Variants in NRP2 observed in about 807,000 individuals in gnomAD.
NRP2 encodes the protein neuropilin 2, also known as neuropilin-2.
A neutral mutation model predicts 110.4 loss-of-function variants in NRP2; 52 were observed. The ratio of observed to expected loss-of-function variants is 0.47; its 90% confidence interval spans 0.38 to 0.59. The LOEUF (loss-of-function observed/expected upper bound fraction) is 0.59, where lower values mean the gene tolerates loss of function less well. Among genes scored for constraint, NRP2 ranks in the 20% least tolerant of loss-of-function variants. NRP2 has a pLI of 0.00. For missense variants in NRP2, 1,049 were observed against 1,203.0 expected (o/e 0.87, Z 1.89); for synonymous variants, 508 against 468.9 (o/e 1.08, Z -1.08).
chr2:205,685,523 TGC>T (rs1317145205), intron 1 of NRP2, among the ~76,000 whole-genome samples: 1 of 152,188 alleles, frequency 6.6e-6, no homozygotes, highest in African/African-American at 2.4e-5. Context: ...GGGCAGAAGG[TGC>T]GCGCGGGGGA....
chr2:205,745,313 A>G (rs903961522), intron 9 of NRP2, among the ~76,000 whole-genome samples: 6 of 152,170 alleles, frequency 3.9e-5, no homozygotes, highest in African/African-American at 1.4e-4. Flanking sequence ...GGTTACCTCA[A>G]TGGAGGCTTT....
chr2:205,745,274 C>T (rs1370620703), intron 9 of NRP2, among the ~76,000 whole-genome samples: 1 of 152,200 alleles, frequency 6.6e-6, no homozygotes, highest in Non-Finnish European at 1.5e-5. Context: ...GTAAGGTTCT[C>T]AGTGAGCTAG....
chr2:205,736,163 G>A (rs778441791), intron 7 of NRP2, among the ~76,000 whole-genome samples: 1 of 152,032 alleles, frequency 6.6e-6, no homozygotes, highest in Non-Finnish European at 1.5e-5. Context: ...CCAACGTGGT[G>A]AAACCCTGTC....
At chr2:205,767,132 G>T in intron 15 of NRP2, 1 of 429,756 alleles carries the variant, frequency 2.3e-6, no homozygotes, top group African/African-American at 2.0e-5. Flanking sequence ...GAGAGACTGT[G>T]GGAAGACTGA....
At chr2:205,779,572 T>C (rs1344335360) in intron 15 of NRP2, 1 of 152,226 alleles carries the variant, frequency 6.6e-6, no homozygotes, top group Non-Finnish European at 1.5e-5. Flanking sequence ...GATTTTTACT[T>C]CCTATTCTTA....
chr2:205,754,906 T>A (rs1314281312), intron 12 of NRP2, among the ~76,000 whole-genome samples: 2 of 152,140 alleles, frequency 1.3e-5, no homozygotes, highest in African/African-American at 4.8e-5. Context: ...GGCTGGCTCT[T>A]ATTCAGTGTC....
At chr2:205,684,828 C>A (rs2056106407) in intron 1 of NRP2, among the ~76,000 whole-genome samples, 1 of 152,230 alleles carries the variant, frequency 6.6e-6, no homozygotes, top group African/African-American at 2.4e-5. Flanking sequence ...GACCTGGATG[C>A]TGCGTAAATT....
At chr2:205,777,220 C>T (rs569167054) in intron 15 of NRP2, 3 of 885,912 alleles carry the variant, frequency 3.4e-6, no homozygotes, top group East Asian at 1.2e-4. Context: ...ATAGAGGCCA[C>T]ATGGGATGCA....
intron 1 of NRP2, 75 bp downstream of exon 1, chr2:205,683,438 C>G: frequency 9.5e-7 from 1 of 1,047,344 alleles, no homozygotes; most frequent in Admixed American, 1.8e-5. Flanking sequence ...GCAGGAAGGC[C>G]ACGCAGAACG....
In NRP2 at chr2:205,765,483, G is replaced by A. The variant is rs762216772; in HGVS notation, c.2317G>A (p.Glu773Lys). ...SYDMEYQIVF[E>K]GVIGKGRSGE... The stretch of plus-strand genomic sequence containing the variant: ...TTCTTCCGGCTTCTAGATTGTGTTC[G>A]AGGGAGTGATAGGGAAAGGACGTTC... The change falls in exon 14 of 17, where the codon GAG becomes AAG. Residue 773 changes from glutamate (E) to lysine (K), a missense_variant. Physicochemically the swap from Glu to Lys is moderately conservative, Grantham distance 56. Coordinates refer to ENST00000357785, the MANE Select transcript of NRP2 (RefSeq NM_003872.3). 4.8e-5 allele frequency: 77 copies of A among 1,614,072 alleles called. No homozygotes were observed. The highest frequency in any genetic ancestry group is 6.0e-5 in the Non-Finnish European group (71 of 1,179,948).
intron 8 of NRP2, among the ~76,000 whole-genome samples, chr2:205,742,162 C>A (rs1038435291): frequency 9.2e-5 from 14 of 152,160 alleles, no homozygotes; most frequent in Non-Finnish European, 5.9e-5. Context: ...AGGGGAACAA[C>A]GTGGAGGATC....
At position 205,725,852 on chromosome 2, in the gene NRP2, G is replaced by T; in HGVS notation, c.821-61G>T. 1 of 1,577,260 alleles carries T rather than the reference G, an allele frequency of 6.3e-7. No homozygotes were observed. Among genetic ancestry groups the T allele is most frequent in the Non-Finnish European group, 8.7e-7 (1 of 1,148,280 alleles). On this transcript the variant is annotated intron_variant, in intron 5 of 16. Transcript: ENST00000357785. The surrounding 1 kb of genome is among the most constrained non-coding windows in gnomAD (Gnocchi z 4.1). ...TGTCCCTAGAAGGGAGGCAGCATTT[G>T]GGGGATCCCGAGGTATGAGGTTGGA...
At chr2:205,697,221 G>A (rs1165489581) in intron 1 of NRP2, among the ~76,000 whole-genome samples, 1 of 152,008 alleles carries the variant, frequency 6.6e-6, no homozygotes, top group Non-Finnish European at 1.5e-5. Context: ...GGAAAGGCAG[G>A]GAGGCATGTT....
intron 15 of NRP2, among the ~76,000 whole-genome samples, chr2:205,784,589 C>T (rs1329544388): frequency 6.6e-6 from 1 of 152,170 alleles, no homozygotes; most frequent in Non-Finnish European, 1.5e-5. Context: ...TTAGTGTTTA[C>T]AGGGGTCCTG....
chr2:205,697,045 G>A (rs561087295), intron 1 of NRP2, among the ~76,000 whole-genome samples: 51 of 152,202 alleles, frequency 3.4e-4, no homozygotes, highest in African/African-American at 9.2e-4. Context: ...TACCAGGCTC[G>A]CTTGTGGGTC....
At chr2:205,699,856 G>C (rs1168766645) in intron 2 of NRP2, among the ~76,000 whole-genome samples, 1 of 152,048 alleles carries the variant, frequency 6.6e-6, no homozygotes, top group Non-Finnish European at 1.5e-5. Flanking sequence ...AATCTTTCTG[G>C]GGTCTGTTTC....
chr2:205,765,109 AT>A (rs1477406783), intron 13 of NRP2, among the ~76,000 whole-genome samples: 1 of 152,166 alleles, frequency 6.6e-6, no homozygotes, highest in Non-Finnish European at 1.5e-5. Context: ...TGGATTGGGC[AT>A]TTGAAAGATT....
At chr2:205,730,300 AGTGAACC>A (rs2057211737) in intron 7 of NRP2, among the ~76,000 whole-genome samples, 1 of 143,060 alleles carries the variant, frequency 7.0e-6, no homozygotes, top group South Asian at 2.3e-4. Flanking sequence ...GAAGTAGTTG[AGTGAACC>A]GTGCCAAATA....
chr2:205,684,244 G>A (rs578144025), intron 1 of NRP2, among the ~76,000 whole-genome samples: 2 of 152,218 alleles, frequency 1.3e-5, no homozygotes, highest in South Asian at 2.1e-4. Context: ...GAATCCATGG[G>A]GAATGCAGTG....
Sources: allele counts gnomAD v4.1 joint callset (sites outside exome capture counted in the v4.1 genomes callset), GRCh38; gene constraint gnomAD v4.1.1; non-coding constraint Gnocchi (gnomAD v3.1); transcripts MANE v1.5; gene names NCBI Gene and HGNC (gene_info 2026-07-23, HGNC 2026-07-21).